Variants in BRPF3 observed in about 807,000 individuals in gnomAD.
The protein encoded by BRPF3 is bromodomain and PHD finger containing 3.
Under a neutral mutation model 102.0 loss-of-function variants are expected in BRPF3, and 18 were observed. The observed-to-expected ratio is 0.18, with a 90% CI of 0.12 to 0.26. The LOEUF is 0.26. Among genes scored for constraint, BRPF3 ranks in the 10% least tolerant of loss-of-function variants. The pLI is 1.00. For missense variants in BRPF3, 1,147 were observed against 1,567.8 expected (o/e 0.73, Z 4.53); for synonymous variants, 570 against 614.2 (o/e 0.93, Z 1.06).
intron 9 of BRPF3, among the ~76,000 whole-genome samples, chr6:36,221,502 G>A (rs1185834583): frequency 1.3e-5 from 2 of 151,848 alleles, no homozygotes; most frequent in Non-Finnish European, 2.9e-5. Flanking sequence ...GGCCAGGGTG[G>A]TCTCGATCTT....
In BRPF3 at chr6:36,201,325, G is replaced by A. The variant is rs1320357090; in HGVS notation, c.1003G>A (p.Ala335Thr). 5 of 1,614,124 alleles carry A rather than the reference G, an allele frequency of 3.1e-6. 1 individual carries two copies. The African/African-American group carries it at 4.0e-5, about 13-fold the overall frequency. Residue 335 changes from alanine to threonine, a missense_variant, in exon 2 of 13, where the codon GCA becomes ACA. Around this residue, in one of 11 missense-constraint regions of BRPF3, gnomAD observed 44 missense variants for 101.4 expected, o/e 0.43. Transcript: ENST00000357641. The surrounding 1 kb of genome is among the most constrained non-coding windows in gnomAD (Gnocchi z 5.1). Reference sequence around the variant, plus strand: ...TATCTGCAAGCAGAAAGGGCTAGGTGCAGCCATCCAGTGCCATAAGGTGAA... The same window carrying A: ...TATCTGCAAGCAGAAAGGGCTAGGTACAGCCATCCAGTGCCATAAGGTGAA... ...CYICKQKGLG[A>T]AIQCHKVNCY...
In BRPF3 at chr6:36,232,524, T is replaced by G. The variant is rs1309430248; in HGVS notation, c.*1915T>G. Reference sequence around the variant, plus strand: ...TGAGTCTCATTTTTTAAAATGCTCTTTTAGAACGGGAAACGGCTCAGATCC... The same window carrying G: ...TGAGTCTCATTTTTTAAAATGCTCTGTTAGAACGGGAAACGGCTCAGATCC... On this transcript the variant is annotated 3_prime_UTR_variant, in exon 13 of 13. Transcript: ENST00000357641. 1 of 152,698 alleles carries G rather than the reference T, an allele frequency of 6.5e-6. No homozygotes were observed. The highest frequency in any genetic ancestry group is 1.5e-5 in the Non-Finnish European group (1 of 68,056). 9.5% of individuals were successfully genotyped at this position (152,698 alleles called of 1,614,324 possible).
At chr6:36,216,986 C>G (rs1242638528) in intron 8 of BRPF3, among the ~76,000 whole-genome samples, 1 of 152,122 alleles carries the variant, frequency 6.6e-6, no homozygotes, top group African/African-American at 2.4e-5. Context: ...CTCCAGTGAA[C>G]CTTGTTTACA....
Position 36,225,382 on chromosome 6 carries a change from G to A in BRPF3, c.3279+18G>A, listed in dbSNP as rs377145256. ...CTGCCTTGGTGAGTCTGCCCCAGAC[G>A]CCACCCTCCTATCTCCCCTGCCTTG... On this transcript the variant is annotated intron_variant, in intron 11 of 12. Coordinates refer to ENST00000357641, the MANE Select transcript of BRPF3 (RefSeq NM_015695.3). 164 of 1,601,450 alleles carry A rather than the reference G, an allele frequency of 1.0e-4. No homozygotes were observed. The highest frequency in any genetic ancestry group is 6.2e-4 in the African/African-American group (46 of 74,784).
intron 9 of BRPF3, among the ~76,000 whole-genome samples, chr6:36,218,926 G>A (rs911505117): frequency 1.3e-5 from 2 of 152,170 alleles, no homozygotes; most frequent in East Asian, 3.8e-4. Context: ...TCTGTGTTCT[G>A]TGTTCTGCAA....
rs2127274651 is a variant in BRPF3, at chr6:36,200,643, A to G, written c.321A>G (p.Ala107=). ...AGAAGGAATCCTGCTCCAAGCATGCATCTGGTACTTCCTTCCACCTCCCAC... is the reference window on the plus strand; with the variant it reads ...AGAAGGAATCCTGCTCCAAGCATGCGTCTGGTACTTCCTTCCACCTCCCAC... ...GKKKESCSKH[A]SGTSFHLPQP... is the part of the protein sequence containing the mutation. The change falls in exon 2 of 13, where the codon GCA becomes GCG. Residue 107 remains alanine, a synonymous_variant. Transcript: ENST00000357641. The surrounding 1 kb of genome is among the most constrained non-coding windows in gnomAD (Gnocchi z 5.3). 1 of 1,614,242 alleles carries G rather than the reference A, an allele frequency of 6.2e-7. No homozygotes were observed. The highest frequency in any genetic ancestry group is 8.5e-7 in the Non-Finnish European group (1 of 1,180,036).
intron 4 of BRPF3, among the ~76,000 whole-genome samples, chr6:36,207,792 C>T (rs1167197579): frequency 1.3e-5 from 2 of 152,170 alleles, no homozygotes; most frequent in Non-Finnish European, 2.9e-5. Flanking sequence ...CAGTTGAAAG[C>T]CTCTGGCCTG....
chr6:36,211,249 C>T lies in BRPF3; in HGVS notation c.2180-9C>T. On this transcript the variant is annotated splice_polypyrimidine_tract_variant and intron_variant, in intron 6 of 12. Transcript: ENST00000357641. ...TTCAGCCCCTTCTGTCCTCCCTTCT[C>T]CCTGGCAGTGGACAACATCCTCATC... 1 of 1,611,262 alleles carries T rather than the reference C, an allele frequency of 6.2e-7. No homozygotes were observed. The highest frequency in any genetic ancestry group is 8.5e-7 in the Non-Finnish European group (1 of 1,178,156).
At chr6:36,198,678 A>G (rs375221018) in intron 1 of BRPF3, among the ~76,000 whole-genome samples, 2 of 152,236 alleles carry the variant, frequency 1.3e-5, no homozygotes, top group East Asian at 1.9e-4. Context: ...TATAGATGGT[A>G]GACCCTGCAA....
At chr6:36,218,703 CCCG>C (rs1477481157) in intron 9 of BRPF3, among the ~76,000 whole-genome samples, 1 of 152,178 alleles carries the variant, frequency 6.6e-6, no homozygotes, top group African/African-American at 2.4e-5. Context: ...AAGTGATCTG[CCCG>C]CCGCAGCATC....
intron 8 of BRPF3, among the ~76,000 whole-genome samples, chr6:36,217,612 T>C (rs185657360): frequency 4.7e-4 from 71 of 152,322 alleles, no homozygotes; most frequent in African/African-American, 1.5e-3. Context: ...GAAGTCTTAG[T>C]ATCTCCCTGT....
chr6:36,203,663 A>G (rs1767798407), intron 2 of BRPF3, among the ~76,000 whole-genome samples: 1 of 152,254 alleles, frequency 6.6e-6, no homozygotes, highest in Non-Finnish European at 1.5e-5. Flanking sequence ...TAAGGTTTCA[A>G]CTTGTTTAGC....
rs1366199387 is a variant in BRPF3, at chr6:36,201,928, T to C, written c.1448+158T>C. Among the ~76,000 whole-genome samples, 1 of 152,230 alleles carries C rather than the reference T, an allele frequency of 6.6e-6. No homozygotes were observed. Among genetic ancestry groups the C allele is most frequent in the Non-Finnish European group, 1.5e-5 (1 of 68,044 alleles). ...CCCCAGGCTCACCTGGCCTGGTTTG[T>C]GGTTTTGATTTTGCCCTCAGAGTAA... On this transcript the variant is annotated intron_variant, in intron 2 of 12. Transcript: ENST00000357641. This position sits in a 1 kb window ranked among gnomAD's most constrained non-coding sequence, Gnocchi z 5.1.
rs1188129651 is a variant in BRPF3 at position 36,211,481 on chromosome 6, G to A, written c.2403G>A (p.Glu801=). Residue 801 remains glutamate (E), a synonymous_variant, in exon 7 of 13, where the codon GAG becomes GAA. Coordinates refer to ENST00000357641, the MANE Select transcript of BRPF3 (RefSeq NM_015695.3). ...TCAACAAGACAGTATCCAATGGGGAGCTGCCAGCAGGGCCCCAGGGGGATG... is the reference window on the plus strand; with the variant it reads ...TCAACAAGACAGTATCCAATGGGGAACTGCCAGCAGGGCCCCAGGGGGATG... ...PSLNKTVSNG[E]LPAGPQGDAA... The A allele has an allele frequency of 6.3e-7, 1 of 1,586,210 alleles. No homozygotes were observed. Among genetic ancestry groups the A allele is most frequent in the Admixed American group, 1.8e-5 (1 of 55,480 alleles).
chr6:36,213,975 A>C lies in BRPF3; in HGVS notation c.2578A>C (p.Lys860Gln). ...ATCCCCCCCGGAGCCCCCTACTCTG[A>C]AACCCATTAATGATAGCAAACCTCC... ...QESPPEPPTL[K>Q]PINDSKPPSR... Residue 860 changes from lysine to glutamine, a missense_variant, in exon 8 of 13, where the codon AAA (lysine) becomes CAA (glutamine). Physicochemically the swap from Lys to Gln is moderately conservative, Grantham distance 53. Coordinates refer to ENST00000357641, the MANE Select transcript of BRPF3 (RefSeq NM_015695.3). 1 of 1,613,078 alleles carries C rather than the reference A, an allele frequency of 6.2e-7. No individual in the cohort carries two copies. Among genetic ancestry groups the C allele is most frequent in the Non-Finnish European group, 8.5e-7 (1 of 1,179,482 alleles).
intron 11 of BRPF3, 119 bp downstream of exon 11, chr6:36,225,483 G>T: frequency 1.1e-6 from 1 of 879,912 alleles, no homozygotes; most frequent in South Asian, 1.8e-5. Flanking sequence ...GTAGAGGGGA[G>T]GGGGGTTTTG....
At chr6:36,217,629 A>G (rs1050445575) in intron 8 of BRPF3, among the ~76,000 whole-genome samples, 1 of 152,224 alleles carries the variant, frequency 6.6e-6, no homozygotes, top group Non-Finnish European at 1.5e-5. Flanking sequence ...CTGTGTAGCC[A>G]AATGACAGTA....
intron 12 of BRPF3, 100 bp downstream of exon 12, chr6:36,229,156 A>G: frequency 1.4e-6 from 2 of 1,454,786 alleles, no homozygotes; most frequent in Non-Finnish European, 1.8e-6. Flanking sequence ...GGATGTTACC[A>G]GTTACCCTGG....
At chr6:36,209,549 T>C (rs1768020559) in intron 4 of BRPF3, among the ~76,000 whole-genome samples, 1 of 152,250 alleles carries the variant, frequency 6.6e-6, no homozygotes. Context: ...ATAATTATTA[T>C]TGTTACTGTA....
Sources: gnomAD v4.1 joint callset for allele counts (sites outside exome capture counted in the v4.1 genomes callset) on GRCh38, gnomAD v4.1.1 for gene constraint, gnomAD v4.1.1 regional missense constraint, Gnocchi (gnomAD v3.1) non-coding constraint, MANE v1.5 for transcripts, NCBI Gene and HGNC (gene_info 2026-07-23, HGNC 2026-07-21) for gene names.